Variants in AP2S1 observed in about 807,000 individuals in gnomAD.
The protein encoded by AP2S1 is adaptor related protein complex 2 subunit sigma 1, also known as AP-2 complex subunit sigma.
Under a neutral mutation model 21.0 loss-of-function variants are expected in AP2S1, and 6 were observed. The ratio of observed to expected loss-of-function variants is 0.29; its 90% confidence interval spans 0.16 to 0.56. The LOEUF (loss-of-function observed/expected upper bound fraction) is 0.56, where lower values mean the gene tolerates loss of function less well. AP2S1 is among the 20% of genes least tolerant of loss of function. The pLI is 0.92. For synonymous variants in AP2S1, 63 were observed against 74.6 expected, an observed-to-expected ratio of 0.84 and a Z score of 0.80; for missense variants, 60 against 186.2, an observed-to-expected ratio of 0.32 and a Z score of 3.95.
chr19:46,842,850 T>C (rs1013224048), intron 2 of AP2S1, among the ~76,000 whole-genome samples: 4 of 152,168 alleles, frequency 2.6e-5, no homozygotes, highest in African/African-American at 9.6e-5. Context: ...CTCATCTCTC[T>C]GCCTGCAGAC....
At chr19:46,844,115 T>C (rs1038239862) in intron 2 of AP2S1, among the ~76,000 whole-genome samples, 1 of 152,062 alleles carries the variant, frequency 6.6e-6, no homozygotes, top group Non-Finnish European at 1.5e-5. Flanking sequence ...TTCATCATGT[T>C]GGTCAGGCTG....
chr19:46,841,513 GGTGTCCCCTC>G (rs749251626), intron 2 of AP2S1, among the ~76,000 whole-genome samples: 26 of 152,304 alleles, frequency 1.7e-4, no homozygotes, highest in Admixed American at 3.9e-4. Flanking sequence ...GGCTGGGGCA[GGTGTCCCCTC>G]TGAACATCCC....
chr19:46,839,603 A>G (rs998096414), intron 2 of AP2S1, 25 bp from the exon 3 acceptor site: 1 of 1,614,074 alleles, frequency 6.2e-7, no homozygotes, highest in African/African-American at 1.3e-5. Context: ...GGCTGTCAGC[A>G]ACGGAGATTG....
intron 2 of AP2S1, among the ~76,000 whole-genome samples, chr19:46,843,232 C>T (rs2055559584): frequency 6.6e-6 from 1 of 152,190 alleles, no homozygotes; most frequent in South Asian, 2.1e-4. Context: ...CTCCTGGCCA[C>T]ACCGACGGCT....
rs2055456597 is a variant in AP2S1 at position 46,838,688 on chromosome 19, C to T, written c.327+52G>A. 1 of 1,602,054 alleles carries T rather than the reference C, an allele frequency of 6.2e-7. No homozygotes were observed. Among genetic ancestry groups the T allele is most frequent in the South Asian group, 1.1e-5 (1 of 90,532 alleles). On this transcript the variant is annotated intron_variant, in intron 4 of 4. Transcript: ENST00000263270. The surrounding 1 kb of genome is among the most constrained non-coding windows in gnomAD (Gnocchi z 4.1). ...CGGGTGGCTAGTGCACCACGGGTCC[C>T]CCCCGTCCCCCTCCTCTGGCTCCTT... is the stretch of plus-strand genomic sequence containing the variant.
intron 2 of AP2S1, among the ~76,000 whole-genome samples, chr19:46,840,251 C>T (rs962839721): frequency 3.3e-5 from 5 of 150,202 alleles, no homozygotes; most frequent in Non-Finnish European, 7.4e-5. Context: ...ATTTTATGCG[C>T]GTGTTAAGTA....
chr19:46,845,422 TA>T (rs2055613928), intron 2 of AP2S1, among the ~76,000 whole-genome samples: 4 of 148,124 alleles, frequency 2.7e-5, no homozygotes, highest in African/African-American at 1.0e-4. Flanking sequence ...AGTAATTAAT[TA>T]ATTAATTAAT....
chr19:46,839,279 T>A (rs1599760207), intron 3 of AP2S1, among the ~76,000 whole-genome samples, 186 bp downstream of exon 3: 1 of 77,160 alleles, frequency 1.3e-5, no homozygotes, highest in East Asian at 3.8e-4. Flanking sequence ...AGAACAAGAC[T>A]CCGTCTCAAA....
At chr19:46,850,023 A>T in intron 1 of AP2S1, 2 of 976,552 alleles carry the variant, frequency 2.0e-6, no homozygotes, top group Non-Finnish European at 2.6e-6. Context: ...GCCCCAACAA[A>T]GATTCCTCCC....
rs753215214 is a variant in AP2S1 at position 46,850,694 on chromosome 19, C to A, written c.3+70G>T. On this transcript the variant is annotated intron_variant, in intron 1 of 4. Transcript: ENST00000263270. Reference sequence around the variant, plus strand: ...GGCAGAGAAGGGACTTGTCAGCGCCCGATCCAGCCTCGGCTATTTACGCGT... The same window carrying A: ...GGCAGAGAAGGGACTTGTCAGCGCCAGATCCAGCCTCGGCTATTTACGCGT... 430 of 1,363,636 alleles carry A rather than the reference C, an allele frequency of 3.2e-4. 1 individual carries two copies. Among genetic ancestry groups the A allele is most frequent in the Non-Finnish European group, 4.1e-4 (392 of 957,138 alleles). 84.5% of individuals were successfully genotyped at this position (1,363,636 alleles called of 1,614,324 possible).
chr19:46,839,029 G>A (rs1358404069), intron 3 of AP2S1, among the ~76,000 whole-genome samples: 2 of 152,048 alleles, frequency 1.3e-5, no homozygotes, highest in African/African-American at 4.8e-5. Context: ...GCTCACACCT[G>A]TAATCCCAGC....
intron 2 of AP2S1, among the ~76,000 whole-genome samples, chr19:46,840,661 T>TG (rs1190725542): frequency 4.7e-5 from 7 of 150,294 alleles, no homozygotes; most frequent in African/African-American, 1.7e-4. Flanking sequence ...GCTCTAGGTC[T>TG]GGGGTGTGCC....
In AP2S1 at chr19:46,838,412, G is replaced by A. The variant is rs1379691835; in HGVS notation, c.*35C>T. ...AAGGGGAAGCGAGCAGGCGAGTCCAGGAGGGGCCGGGGCCGGGGTGGGGCT... is the reference window on the plus strand; with the variant it reads ...AAGGGGAAGCGAGCAGGCGAGTCCAAGAGGGGCCGGGGCCGGGGTGGGGCT... On this transcript the variant is annotated 3_prime_UTR_variant, in exon 5 of 5. Coordinates refer to ENST00000263270, the MANE Select transcript of AP2S1 (RefSeq NM_004069.6). The surrounding 1 kb of genome is among the most constrained non-coding windows in gnomAD (Gnocchi z 4.1). 1.2e-6 allele frequency: 2 copies of A among 1,604,514 alleles called. No homozygotes were observed. Among genetic ancestry groups the A allele is most frequent in the Admixed American group, 3.3e-5 (2 of 59,894 alleles).
chr19:46,840,196 C>T (rs767769164), intron 2 of AP2S1, among the ~76,000 whole-genome samples: 14 of 151,904 alleles, frequency 9.2e-5, no homozygotes, highest in Non-Finnish European at 1.8e-4. Flanking sequence ...GTAACACAGA[C>T]ACACACCGTG....
chr19:46,846,444 T>TC (rs1170532533), intron 1 of AP2S1, among the ~76,000 whole-genome samples: 2 of 141,892 alleles, frequency 1.4e-5, no homozygotes, highest in African/African-American at 2.6e-5. Flanking sequence ...TCTCTCTGTT[T>TC]TTTTTTTTTT....
In AP2S1 at chr19:46,838,923, G is replaced by A. The variant is rs1276796098; in HGVS notation, c.268-124C>T. The A allele has an allele frequency of 1.3e-6, 1 of 768,204 alleles. No individual in the cohort carries two copies. Among genetic ancestry groups the A allele is most frequent in the Non-Finnish European group, 2.2e-6 (1 of 455,516 alleles). 47.6% of individuals were successfully genotyped at this position (768,204 alleles called of 1,614,324 possible). A position where few individuals can be genotyped will look rare whatever the true frequency, so the allele number is the denominator to read the frequency against. ...GAGACCAAGGGGGAGGCAGGGGAGA[G>A]AGAGAGACAGTGACAGGGAGAGAGG... On this transcript the variant is annotated intron_variant, in intron 3 of 4. Transcript: ENST00000263270. This position sits in a 1 kb window ranked among gnomAD's most constrained non-coding sequence, Gnocchi z 4.1.
chr19:46,838,826 G>T lies in AP2S1; in HGVS notation c.268-27C>A. On this transcript the variant is annotated intron_variant, in intron 3 of 4. Transcript: ENST00000263270. This position sits in a 1 kb window ranked among gnomAD's most constrained non-coding sequence, Gnocchi z 4.1. ...TGGGAGAGGAAGGCAGAGATGGTAA[G>T]AGATGGGCAGGGAGAGAGCCACACA... 1.2e-6 allele frequency: 2 copies of T among 1,607,302 alleles called. No individual in the cohort carries two copies. Among genetic ancestry groups the T allele is most frequent in the African/African-American group, 2.7e-5 (2 of 74,880 alleles).
chr19:46,847,294 C>T (rs920355094), intron 1 of AP2S1, among the ~76,000 whole-genome samples: 3 of 150,376 alleles, frequency 2.0e-5, no homozygotes, highest in Non-Finnish European at 4.4e-5. Flanking sequence ...AGTGCAGTGG[C>T]GCGATCCCGC....
At position 46,840,720 on chromosome 19, in the gene AP2S1, A is replaced by ATTTTT. The variant is rs781138883; in HGVS notation, c.154-1147_154-1143dup. Among the ~76,000 whole-genome samples the ATTTTT allele has an allele frequency of 3.2e-4, 35 of 110,722 alleles. 1 individual carries two copies. Among genetic ancestry groups the ATTTTT allele is most frequent in the African/African-American group, 7.4e-4 (20 of 27,078 alleles). The allele number at this position is 110,722 out of a possible 152,430, so 72.6% of individuals were successfully genotyped here. A position where few individuals can be genotyped will look rare whatever the true frequency, so the allele number is the denominator to read the frequency against. On this transcript the variant is annotated intron_variant, in intron 2 of 4. Transcript: ENST00000263270. ...ATGAGTGCCAGCATCAGTCTTCGGC[A>ATTTTT]TTTTTTTTTTTTTTTTTTTTTGAGT... is the stretch of plus-strand genomic sequence containing the variant.
Sources: allele counts gnomAD v4.1 joint callset (sites outside exome capture counted in the v4.1 genomes callset), GRCh38; gene constraint gnomAD v4.1.1; non-coding constraint Gnocchi (gnomAD v3.1); transcripts MANE v1.5; gene names NCBI Gene and HGNC (gene_info 2026-07-23, HGNC 2026-07-21).